Variants in IGSF21 observed in about 807,000 individuals in gnomAD.
IGSF21 encodes immunoglobin superfamily member 21, also known as immunoglobulin superfamily member 21.
Under a neutral mutation model 46.8 loss-of-function variants are expected in IGSF21, and 28 were observed. The ratio of observed to expected loss-of-function variants is 0.60; its 90% CI spans 0.44 to 0.82. IGSF21 has a LOEUF of 0.82. Ranked by LOEUF, IGSF21 falls within the 40% of genes least tolerant of loss-of-function variation. The pLI is 0.00. For synonymous variants in IGSF21, 284 were observed against 273.6 expected (o/e 1.04, Z -0.38); for missense variants, 624 against 665.5 (o/e 0.94, Z 0.69).
chr1:18,328,609 C>T (rs942266880), intron 3 of IGSF21, among the ~76,000 whole-genome samples: 2 of 152,194 alleles, frequency 1.3e-5, no homozygotes, highest in African/African-American at 4.8e-5. Context: ...CATCAATTAA[C>T]AGTGTAAGGA....
chr1:18,189,375 C>A (rs2086933728), intron 1 of IGSF21, among the ~76,000 whole-genome samples: 1 of 152,146 alleles, frequency 6.6e-6, no homozygotes, highest in Admixed American at 6.5e-5. Context: ...CCGTCTCCAA[C>A]CTTTTTGGCA....
At chr1:18,358,457 T>C (rs901655896) in intron 4 of IGSF21, among the ~76,000 whole-genome samples, 3 of 152,246 alleles carry the variant, frequency 2.0e-5, no homozygotes, top group African/African-American at 7.2e-5. Flanking sequence ...TTACAGCACA[T>C]GTGAACTTGA....
chr1:18,265,371 G>A (rs1156501341), intron 2 of IGSF21, among the ~76,000 whole-genome samples: 3 of 152,158 alleles, frequency 2.0e-5, no homozygotes, highest in Non-Finnish European at 2.9e-5. Context: ...CCAAGGGTTC[G>A]GGATGGTGGT....
intron 2 of IGSF21, among the ~76,000 whole-genome samples, chr1:18,282,673 A>C (rs202122989): frequency 1.8e-4 from 21 of 118,006 alleles, no homozygotes; most frequent in African/African-American, 3.0e-4. Context: ...CACACACACA[A>C]ACACACACCC....
chr1:18,191,151 A>G (rs553133645), intron 1 of IGSF21, among the ~76,000 whole-genome samples: 8 of 152,198 alleles, frequency 5.3e-5, no homozygotes, highest in African/African-American at 1.4e-4. Context: ...ATTCCTCGTT[A>G]AGCACCCACT....
intron 4 of IGSF21, among the ~76,000 whole-genome samples, chr1:18,336,563 C>T (rs188476869): frequency 1.3e-3 from 202 of 152,346 alleles, no homozygotes; most frequent in Non-Finnish European, 2.2e-3. Flanking sequence ...AAGGCCAGCT[C>T]TGTCGCATTG....
intron 6 of IGSF21, among the ~76,000 whole-genome samples, chr1:18,372,711 GGGAT>G (rs2086239210): frequency 2.1e-5 from 3 of 143,714 alleles, no homozygotes; most frequent in African/African-American, 7.8e-5. Context: ...GGTGGATGGA[GGGAT>G]GGATGGATGA....
intron 2 of IGSF21, among the ~76,000 whole-genome samples, chr1:18,264,466 T>C (rs960269259): frequency 5.3e-5 from 8 of 152,164 alleles, no homozygotes; most frequent in Non-Finnish European, 1.2e-4. Context: ...AGACAAGTCA[T>C]TGCACACTGA....
intron 3 of IGSF21, among the ~76,000 whole-genome samples, chr1:18,306,013 G>T (rs570538703): frequency 1.3e-5 from 2 of 152,268 alleles, no homozygotes; most frequent in African/African-American, 4.8e-5. Context: ...GTGCATCATG[G>T]CTTCTTGCCA....
chr1:18,365,925 G>A lies in IGSF21; in HGVS notation c.1015+228G>A, dbSNP rs764333658. 9.2e-5 allele frequency among the ~76,000 whole-genome samples: 14 copies of A among 152,128 alleles called. No homozygotes were observed. Among genetic ancestry groups the A allele is most frequent in the Non-Finnish European group, 1.9e-4 (13 of 68,032 alleles). ...AGGCCAAGGTAGTTTGCTGGGTTGA[G>A]CCAAGAACATGAGAGGTCAGAAGAG... is the stretch of plus-strand genomic sequence containing the variant. On this transcript the variant is annotated intron_variant, in intron 6 of 9. Coordinates refer to ENST00000251296, the MANE Select transcript of IGSF21 (RefSeq NM_032880.5). This position sits in a 1 kb window ranked among gnomAD's most constrained non-coding sequence, Gnocchi z 4.8.
intron 2 of IGSF21, among the ~76,000 whole-genome samples, chr1:18,287,212 AAAAT>A (rs1553160839): frequency 7.0e-6 from 1 of 143,794 alleles, no homozygotes; most frequent in African/African-American, 2.5e-5. Context: ...TAAATAAATA[AAAAT>A]AAATAAAAAT....
rs967711835 is a variant in IGSF21, at chr1:18,365,286, A to C, written c.604A>C (p.Ser202Arg). ...AVPLSEPPAA[S>R]SGPLQDSRPF... is the part of the protein sequence containing the mutation. The stretch of plus-strand genomic sequence containing the variant: ...GCCCCTATCAGAGCCACCAGCTGCG[A>C]GCTCCGGCCCCCTACAGGACAGCAG... The change falls in exon 6 of 10, where the codon AGC (serine) becomes CGC (arginine). Residue 202 changes from serine (S) to arginine (R), a missense_variant. Transcript: ENST00000251296. The surrounding 1 kb of genome is among the most constrained non-coding windows in gnomAD (Gnocchi z 4.8). The C allele has an allele frequency of 4.3e-6, 7 of 1,613,832 alleles. No individual in the cohort carries two copies. Among genetic ancestry groups the C allele is most frequent in the Non-Finnish European group, 5.9e-6 (7 of 1,179,822 alleles).
intron 2 of IGSF21, among the ~76,000 whole-genome samples, chr1:18,249,035 C>T (rs992687526): frequency 6.6e-6 from 1 of 152,074 alleles, no homozygotes; most frequent in Admixed American, 6.5e-5. Context: ...AGTGTGGCAC[C>T]CCCGCCCAAA....
At chr1:18,162,858 C>T (rs1326352245) in intron 1 of IGSF21, among the ~76,000 whole-genome samples, 1 of 152,100 alleles carries the variant, frequency 6.6e-6, no homozygotes, top group Admixed American at 6.6e-5. Flanking sequence ...AGGAAGGAGC[C>T]GCTCTCCTGG....
At chr1:18,160,986 T>C (rs976202921) in intron 1 of IGSF21, among the ~76,000 whole-genome samples, 4 of 151,964 alleles carry the variant, frequency 2.6e-5, no homozygotes, top group Non-Finnish European at 5.9e-5. Context: ...CACTGGGAAG[T>C]CATTATGGGT....
intron 2 of IGSF21, among the ~76,000 whole-genome samples, chr1:18,240,950 G>C (rs1454683153): frequency 6.6e-6 from 1 of 152,202 alleles, no homozygotes; most frequent in African/African-American, 2.4e-5. Flanking sequence ...AACCTGGCTA[G>C]TTGGGGTTGA....
At chr1:18,215,012 T>A (rs1224655291) in intron 1 of IGSF21, among the ~76,000 whole-genome samples, 1 of 152,182 alleles carries the variant, frequency 6.6e-6, no homozygotes, top group African/African-American at 2.4e-5. Context: ...AGTGCCAAGA[T>A]TACAGGCGTG....
chr1:18,270,189 G>T (rs1206184163), intron 2 of IGSF21, among the ~76,000 whole-genome samples: 1 of 152,190 alleles, frequency 6.6e-6, no homozygotes, highest in Non-Finnish European at 1.5e-5. Context: ...GAAGCAAAAT[G>T]AAGAGACCCC....
chr1:18,223,993 T>C lies in IGSF21; in HGVS notation c.71-3905T>C, dbSNP rs1315168496. ...AATGGAAGACACAGTCACTCCTGCC[T>C]CGGTTTACAGTGGTGTTTCCCGACA... On this transcript the variant is annotated intron_variant, in intron 1 of 9. Coordinates refer to ENST00000251296, the MANE Select transcript of IGSF21 (RefSeq NM_032880.5). Among the ~76,000 whole-genome samples, 3 of 152,188 alleles carry C rather than the reference T, an allele frequency of 2.0e-5. No homozygotes were observed. The South Asian group carries it at 6.2e-4, about 32-fold the overall frequency.
Sources: allele counts gnomAD v4.1 joint callset (sites outside exome capture counted in the v4.1 genomes callset), GRCh38; gene constraint gnomAD v4.1.1; non-coding constraint Gnocchi (gnomAD v3.1); transcripts MANE v1.5; gene names NCBI Gene and HGNC (gene_info 2026-07-23, HGNC 2026-07-21).